Variants in NEK11 observed in about 807,000 individuals in gnomAD.
The protein encoded by NEK11 is NIMA related kinase 11.
Under a neutral mutation model 80.7 loss-of-function variants are expected in NEK11, and 72 were observed. The observed-to-expected ratio is 0.89, with a 90% confidence interval of 0.74 to 1.08. The LOEUF (loss-of-function observed/expected upper bound fraction) is 1.08. Ranked by LOEUF, NEK11 falls within the 50% of genes least tolerant of loss-of-function variation. The probability of loss-of-function intolerance (pLI) is 0.00; values close to 1 mark genes in which losing one functional copy is unlikely to be tolerated. For missense variants in NEK11, 764 were observed against 763.6 expected, an observed-to-expected ratio of 1.00 and a Z score of -0.01; for synonymous variants, 251 against 260.7, an observed-to-expected ratio of 0.96 and a Z score of 0.36.
intron 7 of NEK11, among the ~76,000 whole-genome samples, chr3:131,139,675 A>G (rs976536966): frequency 6.6e-6 from 1 of 152,196 alleles, no homozygotes; most frequent in African/African-American, 2.4e-5. Flanking sequence ...CCTCTTACTA[A>G]AGAAAAATTT....
intron 3 of NEK11, among the ~76,000 whole-genome samples, chr3:131,049,744 T>G (rs565495421): frequency 8.5e-5 from 13 of 152,350 alleles, no homozygotes; most frequent in Middle Eastern, 3.4e-3. Flanking sequence ...ATAACAATAA[T>G]ATATGATCCT....
intron 3 of NEK11, among the ~76,000 whole-genome samples, chr3:131,064,923 C>G (rs540733508): frequency 1.3e-5 from 2 of 151,792 alleles, no homozygotes; most frequent in East Asian, 3.9e-4. Flanking sequence ...AACGTTGGAG[C>G]CAAACTTACA....
At chr3:131,107,444 A>G (rs994674608) in intron 4 of NEK11, among the ~76,000 whole-genome samples, 1 of 151,438 alleles carries the variant, frequency 6.6e-6, no homozygotes, top group Non-Finnish European at 1.5e-5. Flanking sequence ...CTTTTTCTTT[A>G]TCATTGTCTT....
chr3:131,145,781 T>C (rs2088068909), intron 7 of NEK11, among the ~76,000 whole-genome samples: 1 of 152,118 alleles, frequency 6.6e-6, no homozygotes, highest in Admixed American at 6.6e-5. Flanking sequence ...GTATGGAACC[T>C]TGAACAATTT....
intron 3 of NEK11, among the ~76,000 whole-genome samples, chr3:131,059,827 G>T (rs1002683305): frequency 4.6e-5 from 7 of 152,168 alleles, no homozygotes; most frequent in Non-Finnish European, 8.8e-5. Context: ...TCACTTAATG[G>T]AATATGTAAA....
intron 4 of NEK11, among the ~76,000 whole-genome samples, chr3:131,092,034 C>T (rs1296900113): frequency 1.3e-5 from 2 of 152,148 alleles, no homozygotes; most frequent in Non-Finnish European, 2.9e-5. Context: ...TTACATACTA[C>T]GTTAGGGTGA....
chr3:131,224,008 G>A (rs1429510847), intron 14 of NEK11, among the ~76,000 whole-genome samples: 1 of 152,178 alleles, frequency 6.6e-6, no homozygotes, highest in Non-Finnish European at 1.5e-5. Context: ...GTCAATGACA[G>A]ACTGCATGTA....
chr3:131,306,106 G>T (rs77680583), intron 17 of NEK11, among the ~76,000 whole-genome samples: 2,796 of 152,096 alleles, frequency 0.018, 40 homozygotes, highest in East Asian at 0.084. Flanking sequence ...TAAGATTTCT[G>T]CTTATGTTGC....
chr3:131,087,183 C>T (rs534853606), intron 4 of NEK11, among the ~76,000 whole-genome samples: 6 of 150,080 alleles, frequency 4.0e-5, no homozygotes, highest in East Asian at 2.0e-4. Flanking sequence ...GAGATTTTGT[C>T]GTGCAGCCTT....
intron 14 of NEK11, among the ~76,000 whole-genome samples, chr3:131,205,623 C>A (rs2094419789): frequency 6.6e-6 from 1 of 152,130 alleles, no homozygotes; most frequent in African/African-American, 2.4e-5. Context: ...TCTCCCACAC[C>A]CCCAGCCCTC....
rs1381388672 is a variant in NEK11 at position 131,155,078 on chromosome 3, A to C, written c.919A>C (p.Asn307His). 3 of 1,612,924 alleles carry C rather than the reference A, an allele frequency of 1.9e-6. No homozygotes were observed. Among genetic ancestry groups the C allele is most frequent in the Non-Finnish European group, 2.5e-6 (3 of 1,179,012 alleles). The change falls in exon 10 of 18, where the codon AAT (asparagine) becomes CAT (histidine). Residue 307 changes from asparagine to histidine, a missense_variant. Physicochemically the swap from Asn to His is moderately conservative, Grantham distance 68. Coordinates refer to ENST00000383366, the MANE Select transcript of NEK11 (RefSeq NM_024800.5). ...TTCAGAAATGACTCTGGAAGACAAAAATTTGGATTGTCAGAAGGAGGCTGC... is the reference window on the plus strand; with the variant it reads ...TTCAGAAATGACTCTGGAAGACAAACATTTGGATTGTCAGAAGGAGGCTGC... ...RYSEMTLEDK[N>H]LDCQKEAAHI...
chr3:131,225,152 T>G (rs1051156535), intron 14 of NEK11, among the ~76,000 whole-genome samples: 2 of 152,340 alleles, frequency 1.3e-5, no homozygotes, highest in South Asian at 4.1e-4. Context: ...CCTGTACAGA[T>G]GTGCCATTTA....
At chr3:131,029,480 A>T (rs2064460756) in intron 2 of NEK11, 133 bp from the exon 3 acceptor site, 1 of 362,352 alleles carries the variant, frequency 2.8e-6, no homozygotes, top group East Asian at 4.2e-5. Flanking sequence ...ACCTTTTAAC[A>T]TTTTTTTTCA....
rs377273005 is a variant in NEK11, at chr3:131,071,869, TAA to T, written c.171-8553_171-8552del. 2.4e-3 allele frequency among the ~76,000 whole-genome samples: 358 copies of T among 151,978 alleles called. 1 individual carries two copies. Among genetic ancestry groups the T allele is most frequent in the African/African-American group, 8.1e-3 (337 of 41,540 alleles). Reference sequence around the variant, plus strand: ...GTAGACTCATTAACTGCTTTCTAAGTAAGTAAGACATAGCCCAGTTCTCAAAG... The same window carrying T: ...GTAGACTCATTAACTGCTTTCTAAGTGTAAGACATAGCCCAGTTCTCAAAG... On this transcript the variant is annotated intron_variant, in intron 3 of 17. Coordinates refer to ENST00000383366, the MANE Select transcript of NEK11 (RefSeq NM_024800.5).
intron 17 of NEK11, among the ~76,000 whole-genome samples, chr3:131,293,105 A>G (rs2096560256): frequency 6.6e-6 from 1 of 152,172 alleles, no homozygotes; most frequent in South Asian, 2.1e-4. Context: ...TGCATTAGCT[A>G]GAACTTCCAG....
At chr3:131,124,894 G>C (rs546187595) in intron 5 of NEK11, among the ~76,000 whole-genome samples, 1 of 152,258 alleles carries the variant, frequency 6.6e-6, no homozygotes, top group East Asian at 1.9e-4. Flanking sequence ...ATACAACATT[G>C]GGCAAGTTAT....
At chr3:131,274,659 T>A (rs2096262940) in intron 17 of NEK11, among the ~76,000 whole-genome samples, 1 of 126,080 alleles carries the variant, frequency 7.9e-6, no homozygotes, top group African/African-American at 3.3e-5. Context: ...TTTTTTTTTT[T>A]TTTTTGAGAC....
chr3:131,179,037 A>G (rs945163080), intron 14 of NEK11, among the ~76,000 whole-genome samples: 2 of 152,080 alleles, frequency 1.3e-5, no homozygotes, highest in African/African-American at 4.8e-5. Flanking sequence ...GAGGCAATTC[A>G]CTCATGAGGA....
intron 3 of NEK11, among the ~76,000 whole-genome samples, chr3:131,044,931 C>A (rs190059541): frequency 6.6e-6 from 1 of 152,142 alleles, no homozygotes; most frequent in Admixed American, 6.5e-5. Flanking sequence ...TCTCTTAGAC[C>A]GCAGTGCAAT....
Sources: allele counts gnomAD v4.1 joint callset (sites outside exome capture counted in the v4.1 genomes callset), GRCh38; gene constraint gnomAD v4.1.1; transcripts MANE v1.5; gene names NCBI Gene and HGNC (gene_info 2026-07-23, HGNC 2026-07-21).